Variants in PRKCH observed in about 807,000 individuals in gnomAD.
The protein encoded by PRKCH is protein kinase C eta.
Under a neutral mutation model 82.5 loss-of-function variants are expected in PRKCH, and 28 were observed. The ratio of observed to expected loss-of-function variants is 0.34; its 90% CI spans 0.25 to 0.47. PRKCH has a LOEUF of 0.47. Ranked by LOEUF, PRKCH falls within the 20% of genes least tolerant of loss-of-function variation. The pLI is 1.00. For synonymous variants in PRKCH, 322 were observed against 327.4 expected (o/e 0.98, Z 0.18); for missense variants, 705 against 881.8 (o/e 0.80, Z 2.54).
chr14:61,400,346 T>A (rs1366331250), intron 2 of PRKCH, among the ~76,000 whole-genome samples: 1 of 152,216 alleles, frequency 6.6e-6, no homozygotes, highest in East Asian at 1.9e-4. Flanking sequence ...TGGTGACAAG[T>A]TGTTGATTTA....
At chr14:61,401,012 A>G (rs1264030923) in intron 2 of PRKCH, among the ~76,000 whole-genome samples, 3 of 152,154 alleles carry the variant, frequency 2.0e-5, no homozygotes, top group Non-Finnish European at 4.4e-5. Flanking sequence ...TCTTAGAGGA[A>G]AACTGTCCTC....
At chr14:61,387,708 C>A (rs567635451) in intron 1 of PRKCH, among the ~76,000 whole-genome samples, 81 of 152,184 alleles carry the variant, frequency 5.3e-4, no homozygotes, top group African/African-American at 1.9e-3. Context: ...CTCTGTGACA[C>A]AGTAAGGAAT....
At chr14:61,492,949 A>G (rs1025452443) in intron 10 of PRKCH, among the ~76,000 whole-genome samples, 1 of 152,206 alleles carries the variant, frequency 6.6e-6, no homozygotes, top group Non-Finnish European at 1.5e-5. Context: ...TAGGTAGGGG[A>G]GCAAGTTTGA....
intron 1 of PRKCH, among the ~76,000 whole-genome samples, chr14:61,373,954 G>A: frequency 6.6e-6 from 1 of 152,066 alleles, no homozygotes; most frequent in Admixed American, 6.5e-5. Context: ...GCAATCCAAA[G>A]TCTCATCTGA....
chr14:61,518,308 G>A (rs558475196), intron 10 of PRKCH, among the ~76,000 whole-genome samples: 7 of 152,102 alleles, frequency 4.6e-5, no homozygotes, highest in African/African-American at 1.7e-4. Flanking sequence ...AAGGAGAGTC[G>A]GTGAGAGAAG....
At chr14:61,309,731 A>G (rs1438104078) in intron 1 of PRKCH, among the ~76,000 whole-genome samples, 1 of 152,194 alleles carries the variant, frequency 6.6e-6, no homozygotes, top group Non-Finnish European at 1.5e-5. Context: ...GAAGATCTGA[A>G]TTACCTTGCT....
chr14:61,276,130 C>T (rs2045199349), intron 1 of PRKCH, among the ~76,000 whole-genome samples: 2 of 152,064 alleles, frequency 1.3e-5, no homozygotes, highest in Non-Finnish European at 1.5e-5. Flanking sequence ...TCTTTGGGAC[C>T]TTAATGTACT....
At chr14:61,364,849 TTAAAAA>T (rs1053738237) in intron 1 of PRKCH, among the ~76,000 whole-genome samples, 1 of 151,646 alleles carries the variant, frequency 6.6e-6, no homozygotes, top group African/African-American at 2.4e-5. Flanking sequence ...CAAAAAACAA[TTAAAAA>T]TAAAAATAAG....
intron 9 of PRKCH, among the ~76,000 whole-genome samples, chr14:61,483,251 A>T (rs182485298): frequency 4.3e-4 from 66 of 152,340 alleles, no homozygotes; most frequent in African/African-American, 1.3e-3. Flanking sequence ...ACCTGTTGCT[A>T]ACCTGCTAAT....
chr14:61,202,193 T>C (rs1345265863), intron 1 of PRKCH, among the ~76,000 whole-genome samples: 1 of 152,224 alleles, frequency 6.6e-6, no homozygotes, highest in Admixed American at 6.5e-5. Flanking sequence ...TGGGTTCTTT[T>C]GTACCTATCT....
chr14:61,210,137 TA>T (rs2044561292), intron 1 of PRKCH, among the ~76,000 whole-genome samples: 1 of 42,460 alleles, frequency 2.4e-5, no homozygotes, highest in Non-Finnish European at 4.3e-5. Context: ...TATATATATA[TA>T]TATATATATA....
At chr14:61,491,954 T>C (rs1886466159) in intron 10 of PRKCH, among the ~76,000 whole-genome samples, 1 of 152,196 alleles carries the variant, frequency 6.6e-6, no homozygotes, top group Non-Finnish European at 1.5e-5. Flanking sequence ...AATGAGAACC[T>C]AGAATAGGGT....
intron 10 of PRKCH, 144 bp downstream of exon 10, chr14:61,485,800 G>A: frequency 8.5e-7 from 1 of 1,178,516 alleles, no homozygotes; most frequent in Non-Finnish European, 1.2e-6. Flanking sequence ...TTTTGTTTTT[G>A]AGACAGGGTC....
rs375109787 is a variant in PRKCH at position 61,459,411 on chromosome 14, G to A, written c.1278+1732G>A. Among the ~76,000 whole-genome samples, 45 of 152,312 alleles carry A rather than the reference G, an allele frequency of 3.0e-4. 1 individual carries two copies. The highest frequency in any genetic ancestry group is 2.5e-3 in the East Asian group (13 of 5,186). On this transcript the variant is annotated intron_variant, in intron 9 of 13. Coordinates refer to ENST00000332981, the MANE Select transcript of PRKCH (RefSeq NM_006255.5). ...GTCAACAGCACACTATGGGTCTGCT[G>A]GTGAGACAGAGCATCAGGTGTGAAG...
At chr14:61,493,315 G>C (rs7153815) in intron 10 of PRKCH, among the ~76,000 whole-genome samples, 135,065 of 152,214 alleles carry the variant, frequency 0.89, 61,409 homozygotes, top group Non-Finnish European at 0.99. Context: ...ACAGGGTCAC[G>C]TCCTTGTCTA....
intron 7 of PRKCH, among the ~76,000 whole-genome samples, chr14:61,455,116 G>A (rs1325384024): frequency 3.3e-5 from 5 of 150,866 alleles, no homozygotes; most frequent in Admixed American, 6.6e-5. Flanking sequence ...TGCAAGCTCC[G>A]CCTCCCTGGT....
intron 1 of PRKCH, among the ~76,000 whole-genome samples, chr14:61,355,272 T>A: frequency 6.6e-6 from 1 of 152,212 alleles, no homozygotes; most frequent in East Asian, 1.9e-4. Context: ...CTCATTGCAC[T>A]GAACACCATT....
chr14:61,188,125 C>T (rs1329860141), intron 1 of PRKCH, among the ~76,000 whole-genome samples: 1 of 152,204 alleles, frequency 6.6e-6, no homozygotes, highest in Non-Finnish European at 1.5e-5. Context: ...TATATGTGGT[C>T]TCTATTAATA....
At chr14:61,267,660 G>A (rs1405227953) in intron 1 of PRKCH, among the ~76,000 whole-genome samples, 1 of 152,218 alleles carries the variant, frequency 6.6e-6, no homozygotes, top group East Asian at 1.9e-4. Flanking sequence ...TTTCTTCTCA[G>A]AATGGATTGA....
Sources: allele counts gnomAD v4.1 joint callset (sites outside exome capture counted in the v4.1 genomes callset), GRCh38; gene constraint gnomAD v4.1.1; transcripts MANE v1.5; gene names NCBI Gene and HGNC (gene_info 2026-07-23, HGNC 2026-07-21).